The following PPP2R5E variants were observed in gnomAD, a reference collection of about 807,000 sequenced individuals.
The protein encoded by PPP2R5E is protein phosphatase 2 regulatory subunit B'epsilon.
A neutral mutation model predicts 65.3 loss-of-function variants in PPP2R5E; 4 were observed. The ratio of observed to expected loss-of-function variants is 0.06; its 90% CI spans 0.03 to 0.14. The LOEUF (loss-of-function observed/expected upper bound fraction) is 0.14, where lower values mean the gene tolerates loss of function less well. Among genes scored for constraint, PPP2R5E ranks in the 10% least tolerant of loss-of-function variants. The pLI, the probability that PPP2R5E is intolerant of heterozygous loss-of-function variation, is 1.00. For missense variants in PPP2R5E, 274 were observed against 556.1 expected (o/e 0.49, Z 5.10); for synonymous variants, 183 against 187.4 (o/e 0.98, Z 0.19).
chr14:63,475,189 C>T (rs897658766), intron 2 of PPP2R5E, among the ~76,000 whole-genome samples: 1 of 152,208 alleles, frequency 6.6e-6, no homozygotes, highest in African/African-American at 2.4e-5. Context: ...CTGCCTTCGT[C>T]AACTCTTTAT....
chr14:63,395,637 A>G (rs1594824640), intron 6 of PPP2R5E, among the ~76,000 whole-genome samples: 1 of 2,530 alleles, frequency 4.0e-4, no homozygotes, highest in Non-Finnish European at 7.0e-4. Context: ...GGAAGAGAGG[A>G]GAGGGAGGAG....
At chr14:63,509,829 G>A (rs1023242220) in intron 2 of PPP2R5E, among the ~76,000 whole-genome samples, 4 of 152,170 alleles carry the variant, frequency 2.6e-5, no homozygotes, top group East Asian at 1.9e-4. Flanking sequence ...GTTAGCTAAC[G>A]CTCAGCAGAA....
intron 3 of PPP2R5E, among the ~76,000 whole-genome samples, chr14:63,441,905 G>A (rs1362371185): frequency 4.2e-5 from 5 of 117,768 alleles, no homozygotes; most frequent in Admixed American, 1.5e-4. Flanking sequence ...GCAAGACTCC[G>A]TCTAAAAAAA....
chr14:63,426,964 A>T (rs1887375678), intron 3 of PPP2R5E, among the ~76,000 whole-genome samples: 1 of 152,212 alleles, frequency 6.6e-6, no homozygotes, highest in African/African-American at 2.4e-5. Flanking sequence ...AGTTGCCTTC[A>T]TCAGATTTTC....
At chr14:63,396,802 C>T in intron 5 of PPP2R5E, 86 bp from the exon 6 acceptor site, 2 of 1,508,686 alleles carry the variant, frequency 1.3e-6, no homozygotes, top group Non-Finnish European at 1.8e-6. Flanking sequence ...CCCCTTCTTC[C>T]TTCCTCAAAA....
At chr14:63,522,579 A>C (rs1164028879) in intron 2 of PPP2R5E, among the ~76,000 whole-genome samples, 1 of 139,248 alleles carries the variant, frequency 7.2e-6, no homozygotes, top group Non-Finnish European at 1.5e-5. Flanking sequence ...AGATGTGGGG[A>C]GCGCCTCTGC....
chr14:63,399,620 G>A (rs1017127080), intron 5 of PPP2R5E, among the ~76,000 whole-genome samples: 1 of 151,730 alleles, frequency 6.6e-6, no homozygotes, highest in Non-Finnish European at 1.5e-5. Flanking sequence ...TTAAAATGGT[G>A]AATTTTATGG....
rs544332810 is a variant in PPP2R5E at position 63,537,575 on chromosome 14, ATCTC to A, written c.157+1950_157+1953del. ...ATAAACATTGGAATCTTATTTATGA[ATCTC>A]TCTCTCTTTTTTAAAAAAAGTATTC... On this transcript the variant is annotated intron_variant, in intron 2 of 13. Transcript: ENST00000337537. 5.3e-5 allele frequency among the ~76,000 whole-genome samples: 8 copies of A among 152,228 alleles called. No individual in the cohort carries two copies. The East Asian group carries it at 5.8e-4, about 11-fold the overall frequency.
At chr14:63,388,142 T>G (rs926004669) in intron 11 of PPP2R5E, among the ~76,000 whole-genome samples, 7 of 152,004 alleles carry the variant, frequency 4.6e-5, no homozygotes, top group African/African-American at 1.5e-4. Flanking sequence ...TCTTTTTTCT[T>G]TCTTTTTTTG....
intron 2 of PPP2R5E, among the ~76,000 whole-genome samples, chr14:63,492,758 G>A (rs1891342069): frequency 6.6e-6 from 1 of 152,086 alleles, no homozygotes; most frequent in Non-Finnish European, 1.5e-5. Flanking sequence ...TGGTTTGGTT[G>A]GGAAGGATGG....
At chr14:63,521,105 G>T (rs8003084) in intron 2 of PPP2R5E, among the ~76,000 whole-genome samples, 1,806 of 152,226 alleles carry the variant, frequency 0.012, 29 homozygotes, top group African/African-American at 0.042. Context: ...TAATTCAAGA[G>T]TATGAATACA....
chr14:63,516,646 C>T (rs1892682712), intron 2 of PPP2R5E, among the ~76,000 whole-genome samples: 1 of 152,172 alleles, frequency 6.6e-6, no homozygotes, highest in Non-Finnish European at 1.5e-5. Context: ...TGGCAACCAC[C>T]ACCAATCCCG....
intron 4 of PPP2R5E, among the ~76,000 whole-genome samples, chr14:63,419,995 T>C (rs551543260): frequency 1.3e-5 from 2 of 152,310 alleles, no homozygotes; most frequent in East Asian, 1.9e-4. Flanking sequence ...AGAAATTAAT[T>C]TGGTCCTGTA....
intron 5 of PPP2R5E, among the ~76,000 whole-genome samples, chr14:63,401,364 C>T (rs1292953426): frequency 6.6e-6 from 1 of 152,166 alleles, no homozygotes; most frequent in African/African-American, 2.4e-5. Flanking sequence ...CCTAAGTGGA[C>T]TGTGCCATCC....
At chr14:63,499,869 G>GCTGA in intron 2 of PPP2R5E, among the ~76,000 whole-genome samples, 1 of 152,176 alleles carries the variant, frequency 6.6e-6, no homozygotes. Context: ...GGGTCATTCA[G>GCTGA]CTGACTGGTA....
chr14:63,418,841 C>CTTTTTT (rs772740856), intron 4 of PPP2R5E, among the ~76,000 whole-genome samples: 19 of 105,082 alleles, frequency 1.8e-4, no homozygotes, highest in Admixed American at 3.9e-4. Context: ...AATTTTTTTA[C>CTTTTTT]TTTTTTTTTT....
At chr14:63,417,446 T>C (rs1886763792) in intron 4 of PPP2R5E, among the ~76,000 whole-genome samples, 1 of 151,792 alleles carries the variant, frequency 6.6e-6, no homozygotes, top group Non-Finnish European at 1.5e-5. Context: ...TAATCATAGT[T>C]TGTTAGTCAT....
intron 2 of PPP2R5E, among the ~76,000 whole-genome samples, chr14:63,516,384 T>C (rs1892672844): frequency 6.6e-6 from 1 of 152,200 alleles, no homozygotes; most frequent in Non-Finnish European, 1.5e-5. Flanking sequence ...CAAAATTGCA[T>C]GCGTGCAACA....
chr14:63,497,048 G>A (rs1420375186), intron 2 of PPP2R5E, among the ~76,000 whole-genome samples: 1 of 151,906 alleles, frequency 6.6e-6, no homozygotes, highest in Admixed American at 6.6e-5. Flanking sequence ...CAGTTTAACT[G>A]CTTTTAAATG....
Sources: gnomAD v4.1 joint callset for allele counts (sites outside exome capture counted in the v4.1 genomes callset) on GRCh38, gnomAD v4.1.1 for gene constraint, MANE v1.5 for transcripts, NCBI Gene and HGNC (gene_info 2026-07-23, HGNC 2026-07-21) for gene names.